The following YAE1 variants were observed in gnomAD, a reference collection of about 807,000 sequenced individuals.
YAE1 encodes the protein protein YAE1 homolog.
A neutral mutation model predicts 23.0 loss-of-function variants in YAE1; 22 were observed. The ratio of observed to expected loss-of-function variants is 0.96; its 90% CI spans 0.68 to 1.37. YAE1 has a LOEUF of 1.37. Among genes scored for constraint, YAE1 ranks in the 40% most tolerant of loss-of-function variants. The pLI is 0.00. For missense variants in YAE1, 260 were observed against 262.1 expected (o/e 0.99, Z 0.06); for synonymous variants, 101 against 97.0 (o/e 1.04, Z -0.24).
intron 2 of YAE1, chr7:39,570,937 A>C (rs2288744): frequency 4.2e-6 from 1 of 239,620 alleles, no homozygotes; most frequent in African/African-American, 2.3e-5. Flanking sequence ...TAGTACTTCC[A>C]CACAGTATGA....
At chr7:39,579,950 T>C (rs549531592) in intron 2 of YAE1, among the ~76,000 whole-genome samples, 1 of 151,792 alleles carries the variant, frequency 6.6e-6, no homozygotes, top group Non-Finnish European at 1.5e-5. Context: ...GAAGCTGAAG[T>C]GGGAGGATCA....
chr7:39,569,327 A>G (rs1790528518), intron 1 of YAE1: 1 of 322,916 alleles, frequency 3.1e-6, no homozygotes, highest in South Asian at 3.4e-5. Context: ...AAAAGAAATA[A>G]TCAGTCTTCT....
intron 2 of YAE1, among the ~76,000 whole-genome samples, chr7:39,592,963 C>CA (rs1790920886): frequency 1.3e-5 from 2 of 152,104 alleles, no homozygotes; most frequent in African/African-American, 4.8e-5. Context: ...ATATTTAAAC[C>CA]TCTTAATGCT....
chr7:39,610,300 C>T, exon 3 of YAE1: 1 of 491,292 alleles, frequency 2.0e-6, no homozygotes, highest in Non-Finnish European at 3.8e-6. Flanking sequence ...TTGCAGATCT[C>T]GGTACCAGGT....
chr7:39,607,651 T>C (rs1791149418), intron 2 of YAE1, among the ~76,000 whole-genome samples: 1 of 152,166 alleles, frequency 6.6e-6, no homozygotes, highest in African/African-American at 2.4e-5. Flanking sequence ...AAAACTAATA[T>C]ATTTGGGTTT....
downstream of YAE1, among the ~76,000 whole-genome samples, chr7:39,574,695 T>C (rs1185985662): frequency 7.1e-6 from 1 of 141,106 alleles, no homozygotes; most frequent in African/African-American, 2.7e-5. Flanking sequence ...ATTGTGCCAC[T>C]ACTCTCCAGC....
chr7:39,579,099 C>T lies in YAE1; in HGVS notation c.251+8472C>T, dbSNP rs140865407. Reference sequence around the variant, plus strand: ...AAAAGAGAGGGGAAGTAATGGTTAACGCAGGCAGTGTTTACTATATGTAGG... The same window carrying T: ...AAAAGAGAGGGGAAGTAATGGTTAATGCAGGCAGTGTTTACTATATGTAGG... On this transcript the variant is annotated intron_variant, in intron 2 of 2. Transcript: ENST00000432096. 1.4e-3 allele frequency among the ~76,000 whole-genome samples: 218 copies of T among 152,240 alleles called. 4 individuals are homozygous for T. The highest frequency in any genetic ancestry group is 4.9e-3 in the African/African-American group (203 of 41,550).
intron 2 of YAE1, among the ~76,000 whole-genome samples, chr7:39,595,829 C>A (rs1381073543): frequency 6.6e-6 from 1 of 152,198 alleles, no homozygotes; most frequent in Non-Finnish European, 1.5e-5. Context: ...AGAGATTCAG[C>A]ACTCAAGGAA....
rs1304801451 is a variant in YAE1, at chr7:39,583,708, T to C, written c.251+13081T>C. Among the ~76,000 whole-genome samples, 3 of 152,190 alleles carry C rather than the reference T, an allele frequency of 2.0e-5. No homozygotes were observed. In the East Asian group the frequency reaches 5.8e-4, roughly 29 times the overall value. On this transcript the variant is annotated intron_variant, in intron 2 of 2. Coordinates refer to the YAE1 transcript ENST00000432096. ...CTACTTTCCAAATGTGTAAGATCTA[T>C]AAAATGGAGGTAATGGTAGTGACAT...
downstream of YAE1, among the ~76,000 whole-genome samples, chr7:39,577,796 G>A (rs564512301): frequency 7.2e-5 from 11 of 152,326 alleles, no homozygotes; most frequent in South Asian, 1.9e-3. Flanking sequence ...TGCACGGTGC[G>A]GGACTGGGAG....
chr7:39,575,581 A>AGAGAGAGAGAGAGAGT (rs1649632726), downstream of YAE1, among the ~76,000 whole-genome samples: 1 of 105,438 alleles, frequency 9.5e-6, no homozygotes, highest in African/African-American at 5.5e-5. Context: ...AGAGAGAGTG[A>AGAGAGAGAGAGAGAGT]GTGTGTGTGT....
At chr7:39,569,032 T>C (rs1410561779) in intron 1 of YAE1, among the ~76,000 whole-genome samples, 2 of 152,196 alleles carry the variant, frequency 1.3e-5, no homozygotes, top group Non-Finnish European at 2.9e-5. Context: ...GAAATATTTT[T>C]CTCTAAAATA....
At chr7:39,594,661 C>T (rs529705821) in intron 2 of YAE1, among the ~76,000 whole-genome samples, 120 of 151,776 alleles carry the variant, frequency 7.9e-4, no homozygotes, top group South Asian at 5.8e-3. Flanking sequence ...AGTACAATGG[C>T]GTGACCTTGG....
chr7:39,586,166 T>C (rs899392344), intron 2 of YAE1, among the ~76,000 whole-genome samples: 3 of 149,596 alleles, frequency 2.0e-5, no homozygotes, highest in Non-Finnish European at 2.9e-5. Flanking sequence ...CTTTTTCTTC[T>C]TTTTTTCCTC....
rs35586222 is a variant in YAE1 at position 39,569,488 on chromosome 7, C to T, written c.130-1018C>T. Reference sequence around the variant, plus strand: ...TCTTCTGAAACATCTTCTTTATCCGCCTCTTGTTCTTCCTCCAGTTTTTTC... The same window carrying T: ...TCTTCTGAAACATCTTCTTTATCCGTCTCTTGTTCTTCCTCCAGTTTTTTC... On this transcript the variant is annotated intron_variant, in intron 1 of 2. Coordinates refer to ENST00000223273, the MANE Select transcript of YAE1 (RefSeq NM_020192.5). 1.3e-4 allele frequency: 63 copies of T among 497,338 alleles called. No homozygotes were observed. The East Asian group carries it at 3.2e-3, about 25-fold the overall frequency. The allele number at this position is 497,338 out of a possible 1,614,324, so 30.8% of individuals were successfully genotyped here.
intron 2 of YAE1, among the ~76,000 whole-genome samples, chr7:39,604,450 CA>C (rs779496126): frequency 1.3e-5 from 2 of 152,178 alleles, no homozygotes; most frequent in East Asian, 3.8e-4. Flanking sequence ...CGATACCTAA[CA>C]AAATCAGGGT....
intron 2 of YAE1, among the ~76,000 whole-genome samples, chr7:39,603,934 C>A (rs569436205): frequency 4.6e-5 from 7 of 152,280 alleles, no homozygotes; most frequent in Admixed American, 1.3e-4. Context: ...TGAGGGTTAA[C>A]TCAGTTTTTG....
chr7:39,601,016 T>A (rs1791047367), intron 2 of YAE1, among the ~76,000 whole-genome samples: 1 of 152,214 alleles, frequency 6.6e-6, no homozygotes. Context: ...GTCAGTACTA[T>A]CATCATCTTC....
At chr7:39,575,577 A>AGAGAGAGAGAGAGAGAGAGAGTGTGT (rs1173016799), downstream of YAE1, among the ~76,000 whole-genome samples, 104 of 80,226 alleles carry the variant, frequency 1.3e-3, 1 homozygote, top group East Asian at 4.9e-3. Flanking sequence ...AGAGAGAGAG[A>AGAGAGAGAGAGAGAGAGAGAGTGTGT]GTGAGTGTGT....
Sources: allele counts gnomAD v4.1 joint callset (sites outside exome capture counted in the v4.1 genomes callset), GRCh38; gene constraint gnomAD v4.1.1; transcripts MANE v1.5; gene names NCBI Gene and HGNC (gene_info 2026-07-23, HGNC 2026-07-21).